CCDC148: variants seen among roughly 807,000 people sequenced by gnomAD.
CCDC148 encodes coiled-coil domain-containing protein 148.
In CCDC148, 89 loss-of-function variants were observed where a neutral mutation model predicts 85.7. That is an observed-to-expected ratio of 1.04 (90% CI 0.87 to 1.24). The LOEUF (loss-of-function observed/expected upper bound fraction) is 1.24, where lower values mean the gene tolerates loss of function less well. CCDC148 is among the 50% of genes most tolerant of loss of function. The pLI is 0.00. For missense variants in CCDC148, 692 were observed against 671.7 expected (o/e 1.03, Z -0.33); for synonymous variants, 230 against 213.9 (o/e 1.08, Z -0.66).
intron 1 of CCDC148, among the ~76,000 whole-genome samples, chr2:158,394,463 T>C (rs1417924641): frequency 6.6e-6 from 1 of 152,080 alleles, no homozygotes; most frequent in East Asian, 1.9e-4. Context: ...GAGCAAACTC[T>C]AGGAAGGCTG....
intron 11 of CCDC148, among the ~76,000 whole-genome samples, chr2:158,181,391 G>C (rs1684896310): frequency 6.6e-6 from 1 of 152,064 alleles, no homozygotes; most frequent in Admixed American, 6.6e-5. Context: ...ATGCATCAAG[G>C]GCTGTGTTAG....
chr2:158,447,736 T>G (rs1279413563), intron 1 of CCDC148, among the ~76,000 whole-genome samples: 1 of 152,214 alleles, frequency 6.6e-6, no homozygotes, highest in African/African-American at 2.4e-5. Flanking sequence ...TATTTTTAAT[T>G]GAATTGCTTA....
intron 11 of CCDC148, among the ~76,000 whole-genome samples, chr2:158,180,798 G>A (rs1383437438): frequency 6.6e-6 from 1 of 152,112 alleles, no homozygotes; most frequent in African/African-American, 2.4e-5. Flanking sequence ...AGGAAAGGAG[G>A]GAAGCACACA....
chr2:158,222,356 T>C (rs1216306957), intron 10 of CCDC148, among the ~76,000 whole-genome samples: 3 of 152,194 alleles, frequency 2.0e-5, no homozygotes, highest in African/African-American at 7.2e-5. Flanking sequence ...CCCAGGCGTA[T>C]GTTATACCTG....
chr2:158,215,935 G>T (rs1686828340), intron 11 of CCDC148, among the ~76,000 whole-genome samples: 1 of 152,124 alleles, frequency 6.6e-6, no homozygotes, highest in Non-Finnish European at 1.5e-5. Flanking sequence ...CTGCAAGCCA[G>T]GAAGAGACCC....
intron 9 of CCDC148, among the ~76,000 whole-genome samples, chr2:158,283,191 G>A (rs1690424326): frequency 6.6e-6 from 1 of 152,146 alleles, no homozygotes; most frequent in Non-Finnish European, 1.5e-5. Context: ...CGAAAACCTA[G>A]GCATTACCAT....
intron 1 of CCDC148, 48 bp downstream of exon 1, chr2:158,456,367 G>C (rs1688732842): frequency 1.9e-6 from 3 of 1,591,272 alleles, no homozygotes; most frequent in Non-Finnish European, 2.6e-6. Context: ...AGGTGGCTCA[G>C]TGACGTCAGG....
intron 9 of CCDC148, among the ~76,000 whole-genome samples, chr2:158,259,507 T>A (rs927578622): frequency 2.0e-5 from 3 of 151,988 alleles, no homozygotes; most frequent in Non-Finnish European, 4.4e-5. Context: ...CCTGGATTGC[T>A]GCAGTTGCAT....
chr2:158,427,704 T>TA (rs1256059798), intron 1 of CCDC148, among the ~76,000 whole-genome samples: 4 of 151,622 alleles, frequency 2.6e-5, no homozygotes, highest in Non-Finnish European at 4.4e-5. Context: ...ACCCCATCTC[T>TA]AAAAAAAACA....
chr2:158,194,319 T>G (rs1685562656), intron 11 of CCDC148, among the ~76,000 whole-genome samples: 1 of 152,112 alleles, frequency 6.6e-6, no homozygotes, highest in African/African-American at 2.4e-5. Flanking sequence ...TTCCAAGCAA[T>G]TGTAACAAGT....
intron 9 of CCDC148, among the ~76,000 whole-genome samples, chr2:158,266,382 C>T (rs79666376): frequency 5.4e-4 from 82 of 152,248 alleles, no homozygotes; most frequent in African/African-American, 1.9e-3. Flanking sequence ...CCAGATGTTC[C>T]AATTTTTCAA....
At chr2:158,353,848 G>C (rs1462960545) in intron 2 of CCDC148, among the ~76,000 whole-genome samples, 2 of 152,226 alleles carry the variant, frequency 1.3e-5, no homozygotes, top group East Asian at 3.9e-4. Flanking sequence ...CTCAGCAAAT[G>C]TAAAAGAACA....
intron 11 of CCDC148, among the ~76,000 whole-genome samples, chr2:158,205,447 T>G (rs927687953): frequency 6.6e-5 from 10 of 152,096 alleles, no homozygotes; most frequent in Non-Finnish European, 1.0e-4. Flanking sequence ...GGCTAAACAT[T>G]GTAGATAAGG....
intron 8 of CCDC148, among the ~76,000 whole-genome samples, chr2:158,313,253 T>C (rs1485318302): frequency 2.0e-5 from 3 of 152,210 alleles, no homozygotes; most frequent in Admixed American, 6.5e-5. Flanking sequence ...GGGGTATTTG[T>C]GTTTCAGATC....
intron 1 of CCDC148, among the ~76,000 whole-genome samples, chr2:158,370,952 A>G: frequency 6.6e-6 from 1 of 151,912 alleles, no homozygotes; most frequent in East Asian, 1.9e-4. Flanking sequence ...AATATTTAAC[A>G]CTGGCAATTT....
intron 2 of CCDC148, among the ~76,000 whole-genome samples, chr2:158,351,427 C>T (rs1209055933): frequency 1.7e-4 from 26 of 150,844 alleles, no homozygotes; most frequent in Non-Finnish European, 3.0e-4. Context: ...ACTTGGGAAG[C>T]GCAAGGGGTC....
chr2:158,292,510 C>T (rs762668120), intron 9 of CCDC148, among the ~76,000 whole-genome samples: 1 of 152,120 alleles, frequency 6.6e-6, no homozygotes, highest in African/African-American at 2.4e-5. Flanking sequence ...CCATTCTGAC[C>T]TTGAAATTCT....
chr2:158,346,765 G>A (rs1559086862), intron 2 of CCDC148, among the ~76,000 whole-genome samples: 2 of 152,140 alleles, frequency 1.3e-5, no homozygotes, highest in Admixed American at 6.5e-5. Flanking sequence ...TGCTGGAAAT[G>A]TAAAGACTTC....
At chr2:158,278,618 G>A (rs1192016908) in intron 9 of CCDC148, among the ~76,000 whole-genome samples, 1 of 152,232 alleles carries the variant, frequency 6.6e-6, no homozygotes, top group East Asian at 1.9e-4. Context: ...AAACAAAGAA[G>A]CCTCAAAGCT....
Sources: gnomAD v4.1 joint callset for allele counts (sites outside exome capture counted in the v4.1 genomes callset) on GRCh38, gnomAD v4.1.1 for gene constraint, MANE v1.5 for transcripts, NCBI Gene and HGNC (gene_info 2026-07-23, HGNC 2026-07-21) for gene names.